The following MAMLD1 variants were observed in gnomAD, a reference collection of about 807,000 sequenced individuals.
MAMLD1 encodes mastermind like domain containing 1.
Under a neutral mutation model 45.0 loss-of-function variants are expected in MAMLD1, and 14 were observed. The observed-to-expected ratio is 0.31, with a 90% CI of 0.21 to 0.49. MAMLD1 has a LOEUF of 0.49. Ranked by LOEUF, MAMLD1 falls within the 20% of genes least tolerant of loss-of-function variation. MAMLD1 has a pLI of 0.99. For synonymous variants in MAMLD1, 254 were observed against 247.8 expected, an observed-to-expected ratio of 1.02 and a Z score of -0.24; for missense variants, 543 against 603.6, an observed-to-expected ratio of 0.90 and a Z score of 1.05.
chrX:150,446,036 C>T (rs1480445642), intron 2 of MAMLD1, among the ~76,000 whole-genome samples: 1 of 111,768 alleles, frequency 8.9e-6, no homozygotes, highest in East Asian at 2.8e-4. Context: ...TCCCATTCAA[C>T]TTTCTGGCCC....
At chrX:150,376,260 T>G (rs184864865) in intron 1 of MAMLD1, among the ~76,000 whole-genome samples, 1,747 of 112,356 alleles carry the variant, frequency 0.016, 12 homozygotes, top group Middle Eastern at 0.073. Context: ...CTTGAAAGCA[T>G]GGGGTTGTAT....
intron 1 of MAMLD1, among the ~76,000 whole-genome samples, chrX:150,376,487 TCCAGGACCCAGGAGGC>T (rs1211978948): frequency 1.9e-4 from 21 of 110,806 alleles, no homozygotes; most frequent in African/African-American, 6.9e-4. Context: ...GCTGAGGTGG[TCCAGGACCCAGGAGGC>T]CCAGCTTGCA....
chrX:150,443,145 T>C (rs1467047660), intron 1 of MAMLD1, among the ~76,000 whole-genome samples: 1 of 111,018 alleles, frequency 9.0e-6, no homozygotes, highest in Non-Finnish European at 1.9e-5. Context: ...TTATACTGTT[T>C]GAGGTTCACT....
intron 1 of MAMLD1, among the ~76,000 whole-genome samples, chrX:150,443,417 TA>T (rs2035384330): frequency 1.9e-5 from 2 of 105,160 alleles, no homozygotes; most frequent in African/African-American, 3.5e-5. Context: ...TTTATTTTAT[TA>T]TTATTATACT....
intron 1 of MAMLD1, among the ~76,000 whole-genome samples, chrX:150,395,565 C>T (rs781962650): frequency 9.0e-6 from 1 of 111,252 alleles, no homozygotes; most frequent in African/African-American, 3.3e-5. Flanking sequence ...CCAGGCCTGG[C>T]GCCTTCTGTT....
rs140978710 is a variant in MAMLD1 at position 150,469,712 on chromosome X, C to T, written c.172-33C>T. The T allele has an allele frequency of 2.6e-4, 296 of 1,143,546 alleles. No homozygotes were observed. The African/African-American group carries it at 4.6e-3, about 18-fold the overall frequency. 94.2% of individuals were successfully genotyped at this position (1,143,546 alleles called of 1,213,427 possible). ...CACCTCTCTTCCCTTCTCCTCTCCT[C>T]TCTTCTCCTCTTCTCTTCTCTTCCA... On this transcript the variant is annotated intron_variant, in intron 3 of 7. Transcript: ENST00000370401.
Position 150,397,023 on chromosome X carries a change from A to C in MAMLD1, c.-64+33493A>C, listed in dbSNP as rs782467489. Among the ~76,000 whole-genome samples the C allele has an allele frequency of 3.6e-5, 4 of 112,176 alleles. No individual in the cohort carries two copies. In the East Asian group the frequency reaches 8.3e-4, roughly 23 times the overall value. ...ATTGTGGTAAAATGCATATGACATA[A>C]AATTTACTATCTTAATCATTTGCAA... On this transcript the variant is annotated intron_variant, in intron 1 of 7. Transcript: ENST00000370401.
chrX:150,484,630 T>C (rs1168498118), intron 5 of MAMLD1, among the ~76,000 whole-genome samples: 1 of 112,757 alleles, frequency 8.9e-6, no homozygotes. Flanking sequence ...GTAGTTATTC[T>C]GCACTGCAAG....
At chrX:150,475,231 T>A (rs782457863) in intron 5 of MAMLD1, among the ~76,000 whole-genome samples, 1 of 111,041 alleles carries the variant, frequency 9.0e-6, no homozygotes, top group Non-Finnish European at 1.9e-5. Context: ...GCTTTTTTGG[T>A]TTTTGTCTGT....
Position 150,407,667 on chromosome X carries a change from G to A in MAMLD1, c.-63-37787G>A, listed in dbSNP as rs148474856. ...TGCCAAAGCACAACCAAGGAGCTTAGGTTCTAGTCCTAGCTCACCCACTTA... is the reference window on the plus strand; with the variant it reads ...TGCCAAAGCACAACCAAGGAGCTTAAGTTCTAGTCCTAGCTCACCCACTTA... On this transcript the variant is annotated intron_variant, in intron 1 of 7. Coordinates refer to ENST00000370401, the MANE Select transcript of MAMLD1 (RefSeq NM_005491.5). Among the ~76,000 whole-genome samples the A allele has an allele frequency of 8.5e-3, 956 of 111,890 alleles. 9 individuals carry two copies. Among genetic ancestry groups the A allele is most frequent in the African/African-American group, 0.03 (921 of 30,806 alleles).
At chrX:150,489,679 A>AG (rs2037117670) in intron 5 of MAMLD1, among the ~76,000 whole-genome samples, 1 of 109,134 alleles carries the variant, frequency 9.2e-6, no homozygotes, top group South Asian at 4.2e-4. Context: ...CAGAGGGGTG[A>AG]GGGAAAAAGG....
chrX:150,371,744 G>A (rs868983301), intron 1 of MAMLD1, among the ~76,000 whole-genome samples: 1 of 111,940 alleles, frequency 8.9e-6, no homozygotes, highest in Non-Finnish European at 1.9e-5. Flanking sequence ...GTGACAGAGT[G>A]GGGAGGAGGA....
intron 1 of MAMLD1, among the ~76,000 whole-genome samples, chrX:150,382,901 A>T (rs544374): frequency 0.7 from 27,448 of 39,186 alleles, 9,582 homozygotes; most frequent in Admixed American, 0.84. Context: ...TTTTTTTTTT[A>T]TTTTTTATTT....
intron 5 of MAMLD1, among the ~76,000 whole-genome samples, chrX:150,481,097 A>G (rs1390573500): frequency 2.7e-5 from 3 of 112,810 alleles, no homozygotes; most frequent in African/African-American, 9.7e-5. Context: ...AAGGTGGACT[A>G]CTCATTTGCA....
At chrX:150,504,692 T>C in intron 6 of MAMLD1, 1 of 751,036 alleles carries the variant, frequency 1.3e-6, no homozygotes, top group Non-Finnish European at 1.6e-6. Flanking sequence ...GGATATCAGC[T>C]AGCTTGCCTT....
intron 5 of MAMLD1, among the ~76,000 whole-genome samples, chrX:150,481,983 AGAAAG>A (rs1463881520): frequency 3.8e-5 from 3 of 78,771 alleles, no homozygotes; most frequent in South Asian, 5.4e-4. Flanking sequence ...AAAGAAAGAA[AGAAAG>A]AAAGAAAGAA....
At chrX:150,430,178 GC>G (rs1267626022) in intron 1 of MAMLD1, among the ~76,000 whole-genome samples, 3 of 108,421 alleles carry the variant, frequency 2.8e-5, no homozygotes, top group African/African-American at 1.0e-4. Flanking sequence ...ACCACACCTG[GC>G]TAATTTTTGT....
At chrX:150,417,926 G>A (rs2034322506) in intron 1 of MAMLD1, among the ~76,000 whole-genome samples, 1 of 111,482 alleles carries the variant, frequency 9.0e-6, no homozygotes, top group Non-Finnish European at 1.9e-5. Flanking sequence ...TGTCAGATGA[G>A]TAGTATCTGA....
In MAMLD1 at chrX:150,513,014, G is replaced by GCTCAAAAT; in HGVS notation, c.*1056_*1063dup. ...CGACATTTTGGAACAGCATGCTGCT[G>GCTCAAAAT]CTCAAAATGCCACAGCCCAGAATTC... On this transcript the variant is annotated 3_prime_UTR_variant, in exon 8 of 8. Transcript: ENST00000370401. 1 of 1,153,504 alleles carries GCTCAAAAT rather than the reference G, an allele frequency of 8.7e-7. No homozygotes were observed. Among genetic ancestry groups the GCTCAAAAT allele is most frequent in the East Asian group, 3.3e-5 (1 of 30,755 alleles).
Sources: allele counts gnomAD v4.1 joint callset (sites outside exome capture counted in the v4.1 genomes callset), GRCh38; gene constraint gnomAD v4.1.1; transcripts MANE v1.5; gene names NCBI Gene and HGNC (gene_info 2026-07-23, HGNC 2026-07-21).